MICU1: variants seen among roughly 807,000 people sequenced by gnomAD.
MICU1 encodes mitochondrial calcium uptake 1.
MICU1 carries 45 observed loss-of-function variants against 56.8 expected under a neutral mutation model. The ratio of observed to expected loss-of-function variants is 0.79; its 90% CI spans 0.62 to 1.02. The LOEUF (loss-of-function observed/expected upper bound fraction) is 1.02, where lower values mean the gene tolerates loss of function less well. Ranked by LOEUF, MICU1 falls within the 50% of genes least tolerant of loss-of-function variation. MICU1 has a pLI of 0.00. For missense variants in MICU1, 504 were observed against 587.1 expected, an observed-to-expected ratio of 0.86 and a Z score of 1.46; for synonymous variants, 186 against 195.1, an observed-to-expected ratio of 0.95 and a Z score of 0.39.
At chr10:72,619,539 T>G (rs190972735) in intron 1 of MICU1, among the ~76,000 whole-genome samples, 5 of 152,318 alleles carry the variant, frequency 3.3e-5, no homozygotes, top group Non-Finnish European at 7.4e-5. Context: ...TGACAAAGAC[T>G]CTGTTATGTA....
chr10:72,377,144 G>C (rs922496463), intron 10 of MICU1, among the ~76,000 whole-genome samples: 1 of 151,060 alleles, frequency 6.6e-6, no homozygotes, highest in Non-Finnish European at 1.5e-5. Flanking sequence ...TTTTGAGACA[G>C]AGTCTTACTC....
chr10:72,489,135 C>G (rs1866566322), intron 6 of MICU1, among the ~76,000 whole-genome samples: 1 of 151,756 alleles, frequency 6.6e-6, no homozygotes, highest in South Asian at 2.1e-4. Flanking sequence ...CTAAAAGATA[C>G]AAAAACTAGC....
intron 10 of MICU1, among the ~76,000 whole-genome samples, chr10:72,378,481 T>C (rs1301167845): frequency 1.3e-5 from 2 of 152,184 alleles, no homozygotes; most frequent in Non-Finnish European, 2.9e-5. Context: ...CTCCTTCCTC[T>C]TCGCCTTTCA....
intron 6 of MICU1, among the ~76,000 whole-genome samples, chr10:72,499,981 GAT>G (rs1165361871): frequency 6.6e-6 from 1 of 151,982 alleles, no homozygotes; most frequent in East Asian, 1.9e-4. Context: ...TTGTGAGAAA[GAT>G]GCATCATAAT....
chr10:72,486,464 TTTG>T (rs998977128), intron 6 of MICU1, among the ~76,000 whole-genome samples: 1 of 152,128 alleles, frequency 6.6e-6, no homozygotes, highest in African/African-American at 2.4e-5. Context: ...CACAGTTCAA[TTTG>T]TTTTTTTGTT....
intron 1 of MICU1, among the ~76,000 whole-genome samples, chr10:72,603,009 G>GT (rs1033833298): frequency 8.5e-5 from 2 of 23,516 alleles, no homozygotes; most frequent in African/African-American, 7.1e-4. Flanking sequence ...CCAGCTACTC[G>GT]GAGGCTGAGG....
At chr10:72,569,224 TATATATATA>T (rs1564939699) in intron 1 of MICU1, among the ~76,000 whole-genome samples, 2 of 46,404 alleles carry the variant, frequency 4.3e-5, no homozygotes, top group East Asian at 5.8e-4. Flanking sequence ...TATATATATA[TATATATATA>T]TATATTTTTT....
intron 1 of MICU1, among the ~76,000 whole-genome samples, chr10:72,603,890 G>A (rs897042399): frequency 2.0e-5 from 3 of 152,192 alleles, no homozygotes; most frequent in Admixed American, 6.5e-5. Context: ...ACAACTCAAA[G>A]CAGGGGCTTC....
chr10:72,401,163 A>G (rs1488719652), intron 10 of MICU1, among the ~76,000 whole-genome samples: 1 of 152,196 alleles, frequency 6.6e-6, no homozygotes, highest in African/African-American at 2.4e-5. Context: ...TAATAAAATG[A>G]AATAAAAGGC....
chr10:72,402,229 C>A (rs1470637847), intron 10 of MICU1, among the ~76,000 whole-genome samples: 1 of 151,922 alleles, frequency 6.6e-6, no homozygotes, highest in Non-Finnish European at 1.5e-5. Context: ...CACAATTTAT[C>A]AAGCACAGAG....
At chr10:72,522,041 C>A (rs1287669350) in intron 5 of MICU1, among the ~76,000 whole-genome samples, 1 of 151,854 alleles carries the variant, frequency 6.6e-6, no homozygotes, top group African/African-American at 2.4e-5. Context: ...ATACATCATG[C>A]CAAAAACAAA....
intron 8 of MICU1, among the ~76,000 whole-genome samples, chr10:72,473,823 G>A (rs977323054): frequency 6.6e-6 from 1 of 152,140 alleles, no homozygotes; most frequent in Non-Finnish European, 1.5e-5. Flanking sequence ...GAATCTTGGG[G>A]AAACAGGGAA....
At chr10:72,374,803 A>G (rs890231215) in intron 11 of MICU1, among the ~76,000 whole-genome samples, 1 of 124,642 alleles carries the variant, frequency 8.0e-6, no homozygotes, top group Admixed American at 8.4e-5. Flanking sequence ...GCCATCTACT[A>G]TTATCTTTTT....
chr10:72,506,023 G>T (rs989873531), intron 6 of MICU1, among the ~76,000 whole-genome samples: 1 of 136,214 alleles, frequency 7.3e-6, no homozygotes, highest in Admixed American at 7.2e-5. Context: ...TAGTGATAAA[G>T]AGACTCTTAA....
chr10:72,554,970 G>A lies in MICU1; in HGVS notation c.331-3629C>T, dbSNP rs894781420. Among the ~76,000 whole-genome samples the A allele has an allele frequency of 5.9e-5, 9 of 152,110 alleles. No individual in the cohort carries two copies. In the East Asian group the frequency reaches 1.5e-3, roughly 26 times the overall value. ...GCAGAGGTTGCAGTGAGCCAAGATC[G>A]TGCCACTGCACTCCAGCCTGGGTGA... On this transcript the variant is annotated intron_variant, in intron 3 of 11. Coordinates refer to ENST00000361114, the MANE Select transcript of MICU1 (RefSeq NM_001195518.2).
intron 6 of MICU1, chr10:72,477,707 G>A: frequency 1.6e-6 from 1 of 633,940 alleles, no homozygotes; most frequent in Non-Finnish European, 2.7e-6. Context: ...TTTCTACTTT[G>A]TTCTTTCTAG....
chr10:72,618,748 T>C (rs11000370), intron 1 of MICU1, among the ~76,000 whole-genome samples: 21,344 of 152,240 alleles, frequency 0.14, 1,795 homozygotes, highest in Middle Eastern at 0.23. Context: ...GTAGAACATG[T>C]TGTGATGACA....
At chr10:72,597,494 A>G (rs189257387) in intron 1 of MICU1, among the ~76,000 whole-genome samples, 5 of 152,328 alleles carry the variant, frequency 3.3e-5, no homozygotes, top group Admixed American at 2.6e-4. Flanking sequence ...GCTTGAGATC[A>G]TAAGTGTTTT....
chr10:72,393,407 C>T (rs1863144051), intron 10 of MICU1, among the ~76,000 whole-genome samples: 1 of 152,172 alleles, frequency 6.6e-6, no homozygotes. Flanking sequence ...TTACAAGGAG[C>T]TAAATACATG....
Sources: allele counts gnomAD v4.1 joint callset (sites outside exome capture counted in the v4.1 genomes callset), GRCh38; gene constraint gnomAD v4.1.1; transcripts MANE v1.5; gene names NCBI Gene and HGNC (gene_info 2026-07-23, HGNC 2026-07-21).